Variants in SLCO1B1 observed in about 807,000 individuals in gnomAD.
SLCO1B1 encodes solute carrier organic anion transporter family member 1B1, also known as OATP-2.
A neutral mutation model predicts 70.1 loss-of-function variants in SLCO1B1; 81 were observed. The ratio of observed to expected loss-of-function variants is 1.16; its 90% CI spans 0.97 to 1.39. The LOEUF is 1.39. Among genes scored for constraint, SLCO1B1 ranks in the 40% most tolerant of loss-of-function variants. SLCO1B1 has a pLI of 0.00. For missense variants in SLCO1B1, 895 were observed against 799.6 expected (o/e 1.12, Z -1.44); for synonymous variants, 283 against 271.5 (o/e 1.04, Z -0.42).
intron 2 of SLCO1B1, among the ~76,000 whole-genome samples, chr12:21,148,763 G>A (rs897304578): frequency 6.9e-6 from 1 of 143,934 alleles, no homozygotes; most frequent in African/African-American, 2.6e-5. Context: ...TGTGATGAAA[G>A]TCAATGGTAG....
At chr12:21,204,922 A>G (rs991712743) in intron 10 of SLCO1B1, among the ~76,000 whole-genome samples, 7 of 151,890 alleles carry the variant, frequency 4.6e-5, no homozygotes, top group African/African-American at 1.4e-4. Context: ...AAGTCTTCAT[A>G]TACGAGATTA....
chr12:21,162,611 G>A (rs192965142), intron 2 of SLCO1B1, among the ~76,000 whole-genome samples: 104 of 152,262 alleles, frequency 6.8e-4, no homozygotes, highest in South Asian at 1.9e-3. Context: ...GAAGTGAGAC[G>A]TAATAAGGGT....
At position 21,142,804 on chromosome 12, in the gene SLCO1B1, G is replaced by A. The variant is rs144548377; in HGVS notation, c.84+1146G>A. On this transcript the variant is annotated intron_variant, in intron 2 of 14. Transcript: ENST00000256958. ...AGTGTTACAGTAATTTCACTGACAT[G>A]TGCATAGCAAAATGGCAGCAAACTG... Among the ~76,000 whole-genome samples the A allele has an allele frequency of 3.4e-3, 510 of 152,136 alleles. 7 individuals carry two copies. Among genetic ancestry groups the A allele is most frequent in the Admixed American group, 0.026 (403 of 15,270 alleles).
At chr12:21,164,737 G>A (rs942175245) in intron 2 of SLCO1B1, 4 of 448,270 alleles carry the variant, frequency 8.9e-6, no homozygotes, top group Non-Finnish European at 1.8e-5. Context: ...AGTATTTTGT[G>A]TCTTCAATAT....
At chr12:21,155,836 G>A (rs1426637583) in intron 2 of SLCO1B1, among the ~76,000 whole-genome samples, 2 of 152,128 alleles carry the variant, frequency 1.3e-5, no homozygotes, top group Non-Finnish European at 2.9e-5. Context: ...ATACTGAGGG[G>A]ATTACCTGTA....
chr12:21,158,554 T>A (rs1378320330), intron 2 of SLCO1B1, among the ~76,000 whole-genome samples: 1 of 151,860 alleles, frequency 6.6e-6, no homozygotes, highest in African/African-American at 2.4e-5. Context: ...ATTAGCCAGG[T>A]GTGGTGGTGC....
At chr12:21,131,294 G>A (rs1403499433) in intron 1 of SLCO1B1, 58 bp downstream of exon 1, 2 of 151,962 alleles carry the variant, frequency 1.3e-5, no homozygotes, top group African/African-American at 2.4e-5. Flanking sequence ...AAATTTTCAC[G>A]GAAGAAGATT....
intron 1 of SLCO1B1, among the ~76,000 whole-genome samples, chr12:21,132,827 T>G (rs1448673782): frequency 6.6e-6 from 1 of 152,062 alleles, no homozygotes; most frequent in Non-Finnish European, 1.5e-5. Context: ...GCAGAAGCTC[T>G]TTAGTTTAAT....
chr12:21,157,896 G>T (rs1008717898), intron 2 of SLCO1B1, among the ~76,000 whole-genome samples: 1 of 152,064 alleles, frequency 6.6e-6, no homozygotes, highest in African/African-American at 2.4e-5. Context: ...CACCGTGCCC[G>T]GCCAAGACTG....
At position 21,132,052 on chromosome 12, in the gene SLCO1B1, G is replaced by T. The variant is rs1234539937; in HGVS notation, c.-62+816G>T. ...TTTCCTGTGTCCATGTGTTCTCATT[G>T]TTCAGTTCCCACCTATGAGTGAGAA... On this transcript the variant is annotated intron_variant, in intron 1 of 14. Transcript: ENST00000256958. 2.0e-5 allele frequency among the ~76,000 whole-genome samples: 3 copies of T among 151,782 alleles called. No individual in the cohort carries two copies. The East Asian group carries it at 5.8e-4, about 29-fold the overall frequency.
At chr12:21,214,654 C>A (rs533182938) in intron 11 of SLCO1B1, among the ~76,000 whole-genome samples, 1 of 151,370 alleles carries the variant, frequency 6.6e-6, no homozygotes, top group Non-Finnish European at 1.5e-5. Context: ...GGGCGCCCCT[C>A]CCCCAGCCTC....
At position 21,222,355 on chromosome 12, in the gene SLCO1B1, C is replaced by T. The variant is rs71581941; in HGVS notation, c.1738C>T (p.Arg580Ter). The T allele has an allele frequency of 1.4e-3, 867 of 634,468 alleles. 3 individuals are homozygous for T. The Middle Eastern group carries it at 0.023, about 17-fold the overall frequency. 39.3% of individuals were successfully genotyped at this position (634,468 alleles called of 1,614,324 possible). A position where few individuals can be genotyped will look rare whatever the true frequency, so the allele number is the denominator to read the frequency against. Residue 580 changes from arginine (R) to a stop codon, truncating the protein, a stop_gained, in exon 13 of 15, where the codon CGA (arginine) becomes TGA (stop). Transcript: ENST00000256958. LOFTEE classifies it high-confidence loss of function. ...LALGFHSMVI[R>*]ALGGILAPIY... ...ACTGGGTTTCCACTCAATGGTTATA[C>T]GAGCACTAGGTATGATGAAAAAAAA... is the stretch of plus-strand genomic sequence containing the variant.
chr12:21,184,967 T>C (rs1940947086), intron 7 of SLCO1B1, among the ~76,000 whole-genome samples: 1 of 152,150 alleles, frequency 6.6e-6, no homozygotes. Flanking sequence ...ACTATTCTTA[T>C]ATCAGATAAA....
intron 11 of SLCO1B1, among the ~76,000 whole-genome samples, chr12:21,212,265 C>G (rs1941296294): frequency 1.1e-5 from 1 of 94,226 alleles, no homozygotes; most frequent in African/African-American, 4.2e-5. Context: ...TATGTCGTGT[C>G]TTTGTTCTCG....
chr12:21,161,809 A>G (rs1022849494), intron 2 of SLCO1B1, among the ~76,000 whole-genome samples: 7 of 152,264 alleles, frequency 4.6e-5, no homozygotes, highest in Admixed American at 4.6e-4. Context: ...GGGGTTTGAG[A>G]TCAGCCTGGC....
chr12:21,131,657 G>A (rs917064639), intron 1 of SLCO1B1, among the ~76,000 whole-genome samples: 1 of 150,902 alleles, frequency 6.6e-6, no homozygotes, highest in Non-Finnish European at 1.5e-5. Context: ...GCCAAGGGTG[G>A]GAGTAGAGGG....
chr12:21,206,820 A>G (rs142480158), intron 11 of SLCO1B1, among the ~76,000 whole-genome samples: 2 of 151,988 alleles, frequency 1.3e-5, no homozygotes, highest in Non-Finnish European at 2.9e-5. Flanking sequence ...AACTTTTACT[A>G]TTACCAACAT....
At chr12:21,173,626 T>A (rs943401830) in intron 3 of SLCO1B1, among the ~76,000 whole-genome samples, 1 of 150,608 alleles carries the variant, frequency 6.6e-6, no homozygotes. Context: ...TTTTATAAAG[T>A]AAAAAAAAAA....
intron 2 of SLCO1B1, among the ~76,000 whole-genome samples, chr12:21,149,162 T>C (rs1191866383): frequency 6.6e-6 from 1 of 152,158 alleles, no homozygotes; most frequent in African/African-American, 2.4e-5. Context: ...AATCATATCA[T>C]CTGCAAACAA....
Sources: gnomAD v4.1 joint callset for allele counts (sites outside exome capture counted in the v4.1 genomes callset) on GRCh38, gnomAD v4.1.1 for gene constraint, MANE v1.5 for transcripts, NCBI Gene and HGNC (gene_info 2026-07-23, HGNC 2026-07-21) for gene names.